Variants in GSE1 observed in about 807,000 individuals in gnomAD.
GSE1 encodes genetic suppressor element 1.
GSE1 carries 32 observed loss-of-function variants against 112.6 expected under a neutral mutation model. The observed-to-expected ratio is 0.28, with a 90% CI of 0.21 to 0.38. The LOEUF (loss-of-function observed/expected upper bound fraction) is 0.38, where lower values mean the gene tolerates loss of function less well. Ranked by LOEUF, GSE1 falls within the 10% of genes least tolerant of loss-of-function variation. The pLI is 1.00. For synonymous variants in GSE1, 1,115 were observed against 735.6 expected (o/e 1.52, Z -8.35); for missense variants, 2,348 against 1,699.2 (o/e 1.38, Z -6.71).
chr16:85,278,451 G>A (rs1038175410), intron 1 of GSE1, among the ~76,000 whole-genome samples: 1 of 152,080 alleles, frequency 6.6e-6, no homozygotes, highest in Non-Finnish European at 1.5e-5. Context: ...AATAATACAG[G>A]TTTTAAAAAA....
rs1450939586 is a variant in GSE1, at chr16:85,295,192, G to A, written c.2284-62271G>A. Among the ~76,000 whole-genome samples the A allele has an allele frequency of 1.3e-5, 2 of 152,264 alleles. 1 individual carries two copies. Among genetic ancestry groups the A allele is most frequent in the South Asian group, 4.1e-4 (2 of 4,822 alleles). ...TCACCCAGCGGTTACTCCATGCCCCGCTTCCCAGGGCCTCCGCACACACCG... is the reference window on the plus strand; with the variant it reads ...TCACCCAGCGGTTACTCCATGCCCCACTTCCCAGGGCCTCCGCACACACCG... On this transcript the variant is annotated intron_variant, in intron 1 of 2. Coordinates refer to the GSE1 transcript ENST00000637419.
chr16:85,388,300 A>ATGGATGGT (rs2047741784), intron 2 of GSE1, among the ~76,000 whole-genome samples: 3 of 35,410 alleles, frequency 8.5e-5, no homozygotes, highest in Admixed American at 7.1e-4. Context: ...GGGTGGATGG[A>ATGGATGGT]TGGATGGATG....
At chr16:85,254,973 A>T (rs1186797082) in intron 1 of GSE1, among the ~76,000 whole-genome samples, 1 of 152,194 alleles carries the variant, frequency 6.6e-6, no homozygotes, top group Non-Finnish European at 1.5e-5. Context: ...GGTGATCCCC[A>T]GGCTGGGGAG....
At chr16:85,477,417 C>T (rs376348545) in intron 2 of GSE1, among the ~76,000 whole-genome samples, 53 of 152,162 alleles carry the variant, frequency 3.5e-4, no homozygotes, top group African/African-American at 1.3e-3. Context: ...AGGAGGGTGC[C>T]CCCCAGCCAC....
chr16:85,667,994 C>T (rs992275690), intron 13 of GSE1, 146 bp from the exon 14 acceptor site: 1 of 617,968 alleles, frequency 1.6e-6, no homozygotes, highest in South Asian at 2.4e-5. Context: ...GGGCTAGGTC[C>T]CTCCTCTCTA....
intron 1 of GSE1, among the ~76,000 whole-genome samples, chr16:85,205,659 C>T (rs968641081): frequency 2.6e-5 from 4 of 152,202 alleles, no homozygotes; most frequent in African/African-American, 9.6e-5. Flanking sequence ...GTGGAGGCCC[C>T]TGCCCATCTC....
At chr16:85,588,053 C>T (rs1282695849) in intron 1 of GSE1, among the ~76,000 whole-genome samples, 1 of 152,234 alleles carries the variant, frequency 6.6e-6, no homozygotes, top group Non-Finnish European at 1.5e-5. Flanking sequence ...TCGTCCTCCT[C>T]TTTCCAGAGG....
chr16:85,264,235 CCGTGGGGTGG>C (rs2144126936), intron 1 of GSE1, among the ~76,000 whole-genome samples: 1 of 152,168 alleles, frequency 6.6e-6, no homozygotes, highest in East Asian at 1.9e-4. Context: ...GGCCCTTGAC[CCGTGGGGTGG>C]AATATCACGT....
At chr16:85,554,250 G>A (rs2045082215), upstream of GSE1, among the ~76,000 whole-genome samples, 1 of 152,144 alleles carries the variant, frequency 6.6e-6, no homozygotes, top group Non-Finnish European at 1.5e-5. Flanking sequence ...TGGCGGCAGG[G>A]TTTTTTCCCC....
chr16:85,465,701 G>T (rs2050104181), intron 2 of GSE1, among the ~76,000 whole-genome samples: 2 of 152,238 alleles, frequency 1.3e-5, no homozygotes, highest in Non-Finnish European at 2.9e-5. Flanking sequence ...CATGGTCTAT[G>T]TTGTTGTTTT....
In GSE1 at chr16:85,655,007, C is replaced by G. The variant is rs759238687; in HGVS notation, c.797+16C>G. ...CGGCCTTCAGGTGAGGCATCCCCCACGCGCCCTCTCGTCTAGGTGCTGGCC... is the reference window on the plus strand; with the variant it reads ...CGGCCTTCAGGTGAGGCATCCCCCAGGCGCCCTCTCGTCTAGGTGCTGGCC... On this transcript the variant is annotated intron_variant, in intron 5 of 15. Transcript: ENST00000253458. 1.3e-4 allele frequency: 187 copies of G among 1,485,690 alleles called. No homozygotes were observed. The highest frequency in any genetic ancestry group is 3.4e-4 in the Middle Eastern group (2 of 5,848). The allele number at this position is 1,485,690 out of a possible 1,614,324, so 92.0% of individuals were successfully genotyped here.
At chr16:85,483,239 C>G (rs1001166419) in intron 2 of GSE1, among the ~76,000 whole-genome samples, 2 of 152,260 alleles carry the variant, frequency 1.3e-5, no homozygotes, top group Non-Finnish European at 2.9e-5. Context: ...AAGCGAGGCT[C>G]TCTGTCCCGA....
chr16:85,639,586 G>A (rs1419514129), intron 2 of GSE1, among the ~76,000 whole-genome samples: 1 of 152,256 alleles, frequency 6.6e-6, no homozygotes, highest in African/African-American at 2.4e-5. Context: ...AATAAGAGGT[G>A]TTTGCCCCGA....
intron 1 of GSE1, chr16:85,593,700 C>T (rs1471466924): frequency 1.3e-5 from 2 of 152,208 alleles, no homozygotes; most frequent in Non-Finnish European, 2.9e-5. Flanking sequence ...GGCTCCAGCC[C>T]ATTTGCATAA....
At chr16:85,547,672 G>C (rs2044747325) in intron 2 of GSE1, among the ~76,000 whole-genome samples, 1 of 151,232 alleles carries the variant, frequency 6.6e-6, no homozygotes. Flanking sequence ...CCTGAAGTCA[G>C]GAGTTCGAGA....
intron 8 of GSE1, chr16:85,659,633 G>GC (rs2052268244): frequency 6.6e-6 from 1 of 152,210 alleles, no homozygotes; most frequent in African/African-American, 2.4e-5. Flanking sequence ...CCTGTAAATA[G>GC]CCACTGCACT....
At chr16:85,349,753 C>T (rs2046816281) in intron 1 of GSE1, among the ~76,000 whole-genome samples, 1 of 152,186 alleles carries the variant, frequency 6.6e-6, no homozygotes, top group Non-Finnish European at 1.5e-5. Context: ...CTTCCCCCTC[C>T]TGCGGTTGTG....
chr16:85,669,073 G>A (rs146623690), intron 14 of GSE1, among the ~76,000 whole-genome samples: 1,799 of 152,382 alleles, frequency 0.012, 21 homozygotes, highest in South Asian at 0.026. Context: ...GTGGGGCCAC[G>A]AAGTTGGGCG....
intron 2 of GSE1, among the ~76,000 whole-genome samples, chr16:85,548,468 G>T (rs1344350425): frequency 6.6e-6 from 1 of 151,430 alleles, no homozygotes; most frequent in Non-Finnish European, 1.5e-5. Context: ...CACTTTCTTA[G>T]TTCCCACATA....
Sources: gnomAD v4.1 joint callset for allele counts (sites outside exome capture counted in the v4.1 genomes callset) on GRCh38, gnomAD v4.1.1 for gene constraint, MANE v1.5 for transcripts, NCBI Gene and HGNC (gene_info 2026-07-23, HGNC 2026-07-21) for gene names.